Variants in MDGA2 observed in about 807,000 individuals in gnomAD.
The protein encoded by MDGA2 is MAM domain-containing glycosylphosphatidylinositol anchor protein 2.
A neutral mutation model predicts 117.8 loss-of-function variants in MDGA2; 40 were observed. The observed-to-expected ratio is 0.34, with a 90% CI of 0.26 to 0.44. The LOEUF (loss-of-function observed/expected upper bound fraction) is 0.44, where lower values mean the gene tolerates loss of function less well. Among genes scored for constraint, MDGA2 ranks in the 20% least tolerant of loss-of-function variants. The pLI is 1.00. For missense variants in MDGA2, 1,123 were observed against 1,250.6 expected (o/e 0.90, Z 1.54); for synonymous variants, 452 against 439.0 (o/e 1.03, Z -0.37).
At chr14:47,257,191 C>T (rs534370852) in intron 2 of MDGA2, among the ~76,000 whole-genome samples, 6 of 152,228 alleles carry the variant, frequency 3.9e-5, no homozygotes, top group African/African-American at 1.4e-4. Flanking sequence ...TCAATAGACA[C>T]CATGGCTCTG....
intron 10 of MDGA2, among the ~76,000 whole-genome samples, chr14:46,910,360 C>T (rs989148703): frequency 2.6e-5 from 4 of 151,954 alleles, no homozygotes; most frequent in African/African-American, 9.7e-5. Flanking sequence ...TGTGCTTGTC[C>T]CCTATTAATT....
chr14:47,551,501 A>G (rs1001316376), intron 1 of MDGA2, among the ~76,000 whole-genome samples: 1 of 152,198 alleles, frequency 6.6e-6, no homozygotes, highest in Non-Finnish European at 1.5e-5. Flanking sequence ...AAACACCCTG[A>G]CATTTTATTT....
intron 1 of MDGA2, among the ~76,000 whole-genome samples, chr14:47,311,799 A>C (rs1333792396): frequency 6.6e-6 from 1 of 152,146 alleles, no homozygotes; most frequent in Non-Finnish European, 1.5e-5. Flanking sequence ...GCCAAAGCTT[A>C]GTTTTGATGC....
chr14:47,407,680 T>C (rs10142504), intron 1 of MDGA2, among the ~76,000 whole-genome samples: 150,074 of 152,294 alleles, frequency 0.99, 73,983 homozygotes, highest in East Asian at 1. Flanking sequence ...AGAATTTCCA[T>C]GTGTTAATTA....
rs529594411 is a variant in MDGA2 at position 47,104,762 on chromosome 14, C to A, written c.926-7639G>T. Among the ~76,000 whole-genome samples the A allele has an allele frequency of 2.0e-5, 3 of 152,246 alleles. No homozygotes were observed. In the South Asian group the frequency reaches 6.2e-4, roughly 32 times the overall value. ...CTGCTCTTTGCTCCGTGAGAAAGAT[C>A]CACCTACGACCTCAGGTCCTCAGAC... On this transcript the variant is annotated intron_variant, in intron 5 of 16. Transcript: ENST00000399232.
intron 1 of MDGA2, among the ~76,000 whole-genome samples, chr14:47,618,025 A>G (rs1413195387): frequency 6.6e-6 from 1 of 152,206 alleles, no homozygotes; most frequent in African/African-American, 2.4e-5. Context: ...CTGGTTTTGC[A>G]TCTCTTAGCT....
intron 1 of MDGA2, among the ~76,000 whole-genome samples, chr14:47,652,889 G>A (rs1427402742): frequency 1.3e-5 from 2 of 152,068 alleles, no homozygotes; most frequent in Non-Finnish European, 2.9e-5. Flanking sequence ...CAGAAATCAG[G>A]ATTTCAAAAT....
intron 7 of MDGA2, among the ~76,000 whole-genome samples, chr14:47,052,956 T>G (rs4900724): frequency 0.64 from 97,325 of 151,632 alleles, 31,858 homozygotes; most frequent in Admixed American, 0.74. Flanking sequence ...CTTTCCATAT[T>G]CAATCCTTTC....
At chr14:47,249,516 T>C (rs1383448542) in intron 2 of MDGA2, among the ~76,000 whole-genome samples, 1 of 152,072 alleles carries the variant, frequency 6.6e-6, no homozygotes, top group East Asian at 1.9e-4. Context: ...TAAAGAGATG[T>C]GGTTTTGCCA....
intron 8 of MDGA2, among the ~76,000 whole-genome samples, chr14:47,030,516 G>GAA (rs558875100): frequency 6.7e-6 from 1 of 149,160 alleles, no homozygotes; most frequent in African/African-American, 2.5e-5. Context: ...CTCCATCTCA[G>GAA]AAAAAAAAAG....
At chr14:47,323,371 A>G (rs1009646972) in intron 1 of MDGA2, among the ~76,000 whole-genome samples, 1 of 151,882 alleles carries the variant, frequency 6.6e-6, no homozygotes, top group Non-Finnish European at 1.5e-5. Context: ...CACACCTGTA[A>G]TCTCAGCATA....
chr14:47,311,492 CA>C (rs201634444), intron 1 of MDGA2, among the ~76,000 whole-genome samples: 63 of 150,042 alleles, frequency 4.2e-4, no homozygotes, highest in African/African-American at 1.4e-3. Context: ...CTTAGCCTGT[CA>C]AAAAAAAACA....
chr14:47,206,691 AC>A (rs2139462085), intron 3 of MDGA2, among the ~76,000 whole-genome samples: 1 of 152,116 alleles, frequency 6.6e-6, no homozygotes, highest in East Asian at 1.9e-4. Context: ...GGAGTTCAAG[AC>A]CAAACTGGGC....
At chr14:47,420,746 T>C (rs1892561149) in intron 1 of MDGA2, among the ~76,000 whole-genome samples, 1 of 151,994 alleles carries the variant, frequency 6.6e-6, no homozygotes, top group African/African-American at 2.4e-5. Flanking sequence ...AATCAGACAC[T>C]AAGTTTTTAT....
chr14:47,573,600 G>C (rs1223767154), intron 1 of MDGA2, among the ~76,000 whole-genome samples: 1 of 152,112 alleles, frequency 6.6e-6, no homozygotes. Context: ...TAATGTGCTC[G>C]GGTATTCTGT....
chr14:46,875,578 A>T (rs1882193232), intron 12 of MDGA2, among the ~76,000 whole-genome samples: 1 of 151,768 alleles, frequency 6.6e-6, no homozygotes, highest in Non-Finnish European at 1.5e-5. Context: ...ACCTTGTACC[A>T]AACAAGACAT....
chr14:47,055,114 A>G (rs1889628073), intron 7 of MDGA2, among the ~76,000 whole-genome samples: 2 of 148,464 alleles, frequency 1.3e-5, no homozygotes, highest in Non-Finnish European at 1.5e-5. Context: ...TTCACTGACT[A>G]TTCTGTCACA....
intron 1 of MDGA2, among the ~76,000 whole-genome samples, chr14:47,394,410 C>T (rs1891962674): frequency 1.3e-5 from 2 of 152,224 alleles, no homozygotes; most frequent in East Asian, 1.9e-4. Flanking sequence ...CCAATATTTA[C>T]CATTAAGAAA....
At chr14:47,234,803 T>C (rs1886806026) in intron 2 of MDGA2, among the ~76,000 whole-genome samples, 6 of 152,162 alleles carry the variant, frequency 3.9e-5, no homozygotes, top group Admixed American at 3.9e-4. Context: ...CTAGAGTTCA[T>C]AGAAAGGCAT....
Sources: allele counts gnomAD v4.1 joint callset (sites outside exome capture counted in the v4.1 genomes callset), GRCh38; gene constraint gnomAD v4.1.1; transcripts MANE v1.5; gene names NCBI Gene and HGNC (gene_info 2026-07-23, HGNC 2026-07-21).